Variants in MOGAT1 observed in about 807,000 individuals in gnomAD.
MOGAT1 encodes the protein 2-acylglycerol O-acyltransferase 1.
Under a neutral mutation model 31.4 loss-of-function variants are expected in MOGAT1, and 32 were observed. That is an observed-to-expected ratio of 1.02 (90% CI 0.77 to 1.37). The LOEUF (loss-of-function observed/expected upper bound fraction) is 1.37, where lower values mean the gene tolerates loss of function less well. Among genes scored for constraint, MOGAT1 ranks in the 40% most tolerant of loss-of-function variants. The pLI, the probability that MOGAT1 is intolerant of heterozygous loss-of-function variation, is 0.00. For synonymous variants in MOGAT1, 145 were observed against 144.5 expected (o/e 1.00, Z -0.03); for missense variants, 426 against 402.0 (o/e 1.06, Z -0.51).
chr2:222,671,923 C>A, intron 1 of MOGAT1, 44 bp downstream of exon 1: 4 of 1,455,880 alleles, frequency 2.7e-6, no homozygotes, highest in Non-Finnish European at 3.8e-6. Flanking sequence ...GGCTCCATAT[C>A]CTCCCTCGGG....
At chr2:222,700,322 G>C (rs1692901288) in intron 5 of MOGAT1, among the ~76,000 whole-genome samples, 1 of 152,164 alleles carries the variant, frequency 6.6e-6, no homozygotes, top group Non-Finnish European at 1.5e-5. Flanking sequence ...ATCAGTCAAG[G>C]GTTGAATGGA....
At chr2:222,682,742 G>A (rs921139976) in intron 1 of MOGAT1, among the ~76,000 whole-genome samples, 2 of 152,144 alleles carry the variant, frequency 1.3e-5, no homozygotes, top group African/African-American at 2.4e-5. Flanking sequence ...AATATTGTTC[G>A]GCTATAAAAA....
intron 1 of MOGAT1, among the ~76,000 whole-genome samples, chr2:222,688,121 T>C (rs574737966): frequency 3.9e-4 from 59 of 152,296 alleles, no homozygotes; most frequent in East Asian, 7.7e-4. Context: ...ATACGACGAT[T>C]AAATAAAAAT....
intron 3 of MOGAT1, 47 bp downstream of exon 3, chr2:222,689,516 G>T: frequency 6.5e-7 from 1 of 1,545,698 alleles, no homozygotes; most frequent in South Asian, 1.1e-5. Context: ...GGGGTAGCAG[G>T]AGCACACAGA....
intron 1 of MOGAT1, among the ~76,000 whole-genome samples, chr2:222,680,358 T>C (rs1421597350): frequency 6.6e-6 from 1 of 152,256 alleles, no homozygotes; most frequent in Non-Finnish European, 1.5e-5. Context: ...ATAATTTATT[T>C]GCCTTCATCA....
chr2:222,707,063 A>G (rs1248770725), intron 5 of MOGAT1, among the ~76,000 whole-genome samples: 1 of 152,088 alleles, frequency 6.6e-6, no homozygotes, highest in East Asian at 1.9e-4. Context: ...GTGGTGGCAC[A>G]TGCCTGTAAT....
chr2:222,689,341 G>C lies in MOGAT1; in HGVS notation c.350G>C (p.Gly117Ala). 6.2e-7 allele frequency: 1 copy of C among 1,613,984 alleles called. No individual in the cohort carries two copies. Among genetic ancestry groups the C allele is most frequent in the Non-Finnish European group, 8.5e-7 (1 of 1,179,862 alleles). Residue 117 changes from glycine (G) to alanine (A), a missense_variant, in exon 3 of 6, where the codon GGA becomes GCA. By Grantham distance (60) the Gly-to-Ala change is moderately conservative. Transcript: ENST00000446656. ...CACCCCCATGGAATAATGGCAGTTG[G>C]AGCCTTTGGGAATTTTTCTGTAAAT... The part of the protein sequence containing the change: ...GFHPHGIMAV[G>A]AFGNFSVNYS...
chr2:222,684,210 C>T (rs1444756329), intron 1 of MOGAT1, among the ~76,000 whole-genome samples: 1 of 152,056 alleles, frequency 6.6e-6, no homozygotes. Context: ...TCAAGACCAG[C>T]CTGGCCATCA....
intron 3 of MOGAT1, among the ~76,000 whole-genome samples, chr2:222,693,454 T>G (rs1046785058): frequency 1.6e-4 from 24 of 151,588 alleles, no homozygotes; most frequent in Non-Finnish European, 2.8e-4. Context: ...TCTTGTTTTT[T>G]TTTTTTTTTT....
chr2:222,680,817 T>C (rs201780282), intron 1 of MOGAT1, among the ~76,000 whole-genome samples: 32 of 152,330 alleles, frequency 2.1e-4, no homozygotes, highest in African/African-American at 7.2e-4. Flanking sequence ...ACAATACATA[T>C]ACAAGTTAAA....
chr2:222,707,351 AAGAAAGAAAG>A (rs145847472), intron 5 of MOGAT1, among the ~76,000 whole-genome samples: 2,637 of 73,818 alleles, frequency 0.036, 40 homozygotes, highest in Middle Eastern at 0.085. Flanking sequence ...AAGAAAGAAA[AAGAAAGAAAG>A]AGAAAGAAAG....
At chr2:222,707,167 G>C (rs1366460342) in intron 5 of MOGAT1, among the ~76,000 whole-genome samples, 1 of 151,678 alleles carries the variant, frequency 6.6e-6, no homozygotes, top group Non-Finnish European at 1.5e-5. Context: ...AGTCTAGCAT[G>C]GTTGACAGAG....
At chr2:222,676,247 A>T (rs948465017) in intron 1 of MOGAT1, among the ~76,000 whole-genome samples, 1 of 151,510 alleles carries the variant, frequency 6.6e-6, no homozygotes, top group Non-Finnish European at 1.5e-5. Context: ...TTGACCTCTT[A>T]AAATGCTGGG....
intron 5 of MOGAT1, among the ~76,000 whole-genome samples, 168 bp downstream of exon 5, chr2:222,695,456 T>C (rs1692825088): frequency 6.6e-6 from 1 of 152,242 alleles, no homozygotes; most frequent in Admixed American, 6.5e-5. Flanking sequence ...ATTTATGAAA[T>C]GACTACATTT....
At chr2:222,696,799 G>A (rs904611594) in intron 5 of MOGAT1, among the ~76,000 whole-genome samples, 6 of 152,186 alleles carry the variant, frequency 3.9e-5, no homozygotes, top group African/African-American at 1.4e-4. Context: ...TAGCACTTTG[G>A]GAGGCTGAGA....
At chr2:222,672,782 T>G (rs1692439217) in intron 1 of MOGAT1, among the ~76,000 whole-genome samples, 1 of 151,962 alleles carries the variant, frequency 6.6e-6, no homozygotes, top group Non-Finnish European at 1.5e-5. Flanking sequence ...AAAACTGCTT[T>G]TACATTTCGA....
chr2:222,692,947 A>G (rs1692784058), intron 3 of MOGAT1, among the ~76,000 whole-genome samples: 1 of 152,182 alleles, frequency 6.6e-6, no homozygotes, highest in African/African-American at 2.4e-5. Flanking sequence ...TGAAGGTTCA[A>G]ACCCATCTAG....
chr2:222,672,526 T>C (rs57671876), intron 1 of MOGAT1, among the ~76,000 whole-genome samples: 22,396 of 152,158 alleles, frequency 0.15, 1,967 homozygotes, highest in African/African-American at 0.24. Context: ...AGCCGAATCA[T>C]TAGATGGGGC....
chr2:222,675,746 A>G (rs956139401), intron 1 of MOGAT1, among the ~76,000 whole-genome samples: 19 of 151,944 alleles, frequency 1.3e-4, no homozygotes, highest in African/African-American at 3.6e-4. Context: ...CCCAAAGGGT[A>G]ATTTTCTTAT....
Sources: allele counts gnomAD v4.1 joint callset (sites outside exome capture counted in the v4.1 genomes callset), GRCh38; gene constraint gnomAD v4.1.1; transcripts MANE v1.5; gene names NCBI Gene and HGNC (gene_info 2026-07-23, HGNC 2026-07-21).